Variants in RBFOX3 observed in about 807,000 individuals in gnomAD.
The protein encoded by RBFOX3 is RNA binding protein fox-1 homolog 3.
RBFOX3 carries 17 observed loss-of-function variants against 48.7 expected under a neutral mutation model. The ratio of observed to expected loss-of-function variants is 0.35; its 90% CI spans 0.24 to 0.52. The LOEUF is 0.52. Among genes scored for constraint, RBFOX3 ranks in the 20% least tolerant of loss-of-function variants. The pLI is 0.94. For synonymous variants in RBFOX3, 212 were observed against 209.5 expected (o/e 1.01, Z -0.10); for missense variants, 382 against 497.5 (o/e 0.77, Z 2.21).
intron 2 of RBFOX3, among the ~76,000 whole-genome samples, chr17:79,446,511 G>A (rs2072326509): frequency 6.6e-6 from 1 of 152,188 alleles, no homozygotes; most frequent in Non-Finnish European, 1.5e-5. Flanking sequence ...CAAACGGGAT[G>A]GAAGCAGCTC....
chr17:79,569,946 T>C (rs1363429206), intron 1 of RBFOX3, among the ~76,000 whole-genome samples: 1 of 151,284 alleles, frequency 6.6e-6, no homozygotes, highest in Non-Finnish European at 1.5e-5. Flanking sequence ...GGATAATAGA[T>C]GGATGGTAGA....
At chr17:79,503,059 G>A (rs1246685674) in intron 1 of RBFOX3, among the ~76,000 whole-genome samples, 3 of 152,172 alleles carry the variant, frequency 2.0e-5, no homozygotes, top group East Asian at 1.9e-4. Context: ...GGGCTTTTCC[G>A]TGCTTACAGA....
intron 1 of RBFOX3, among the ~76,000 whole-genome samples, chr17:79,540,454 C>A (rs1356425228): frequency 6.6e-6 from 1 of 152,240 alleles, no homozygotes; most frequent in African/African-American, 2.4e-5. Flanking sequence ...GGCGTCCAGG[C>A]CCCAGCCCCA....
Position 79,390,534 on chromosome 17 carries a change from G to C in RBFOX3, c.-174-82710C>G, listed in dbSNP as rs2148179522. 6.6e-6 allele frequency among the ~76,000 whole-genome samples: 1 copy of C among 150,920 alleles called. No individual in the cohort carries two copies. Among genetic ancestry groups the C allele is most frequent in the South Asian group, 2.1e-4 (1 of 4,792 alleles). On this transcript the variant is annotated intron_variant, in intron 2 of 14. Coordinates refer to ENST00000693108, the MANE Select transcript of RBFOX3 (RefSeq NM_001350451.2). This position sits in a 1 kb window ranked among gnomAD's most constrained non-coding sequence, Gnocchi z 4.2. ...CTCTTGTCGCCCAGGCTGGAGTGCA[G>C]TGGCACAATCTCGGCTCACTACAAC...
chr17:79,122,605 C>T (rs537834759), intron 4 of RBFOX3, among the ~76,000 whole-genome samples: 8 of 152,196 alleles, frequency 5.3e-5, no homozygotes, highest in Non-Finnish European at 7.4e-5. Context: ...ACACTGCTGG[C>T]GGGAATATAA....
At chr17:79,168,107 AAGGAGCCCAG>A (rs1414139593) in intron 4 of RBFOX3, among the ~76,000 whole-genome samples, 1 of 152,160 alleles carries the variant, frequency 6.6e-6, no homozygotes, top group East Asian at 1.9e-4. Flanking sequence ...CTCAGAGGCT[AAGGAGCCCAG>A]AGGGCTCTGA....
At chr17:79,592,676 G>A (rs1334475527) in intron 1 of RBFOX3, among the ~76,000 whole-genome samples, 11 of 151,988 alleles carry the variant, frequency 7.2e-5, no homozygotes, top group African/African-American at 1.2e-4. Flanking sequence ...CCAGGACTGC[G>A]GGCTCAGGAC....
rs1401230485 is a variant in RBFOX3, at chr17:79,477,535, G to C, written c.-175+4919C>G. On this transcript the variant is annotated intron_variant, in intron 2 of 14. Transcript: ENST00000693108. This position sits in a 1 kb window ranked among gnomAD's most constrained non-coding sequence, Gnocchi z 4.8. ...CGCCCCATCGCACTCCAGCCTGGGCGACAGAGCGAAACTCCGTCACCGGAA... is the reference window on the plus strand; with the variant it reads ...CGCCCCATCGCACTCCAGCCTGGGCCACAGAGCGAAACTCCGTCACCGGAA... 2.6e-5 allele frequency among the ~76,000 whole-genome samples: 4 copies of C among 151,226 alleles called. No homozygotes were observed. Among genetic ancestry groups the C allele is most frequent in the African/African-American group, 7.3e-5 (3 of 41,190 alleles).
chr17:79,537,326 T>G (rs1555788997), intron 1 of RBFOX3, among the ~76,000 whole-genome samples: 2 of 152,140 alleles, frequency 1.3e-5, no homozygotes, highest in Admixed American at 1.3e-4. Context: ...TGTGGCCCTC[T>G]CCCTGTGCAT....
chr17:79,200,110 C>G (rs187919441), intron 4 of RBFOX3, among the ~76,000 whole-genome samples: 9 of 140,740 alleles, frequency 6.4e-5, no homozygotes, highest in African/African-American at 2.3e-4. Context: ...TTGCAGTGAG[C>G]CGATATTGCG....
In RBFOX3 at chr17:79,110,400, C is replaced by A. The variant is rs548621197; in HGVS notation, c.223-3612G>T. ...GGGGCCCCCAAGCTTGGCACGGAGACAGACAAAGGGAATGAGCCCCAGGCA... is the reference window on the plus strand; with the variant it reads ...GGGGCCCCCAAGCTTGGCACGGAGAAAGACAAAGGGAATGAGCCCCAGGCA... On this transcript the variant is annotated intron_variant, in intron 5 of 14. Transcript: ENST00000693108. Among the ~76,000 whole-genome samples, 4 of 152,242 alleles carry A rather than the reference C, an allele frequency of 2.6e-5. No homozygotes were observed. The South Asian group carries it at 8.3e-4, about 32-fold the overall frequency.
At chr17:79,226,943 C>A (rs2060378206) in intron 4 of RBFOX3, among the ~76,000 whole-genome samples, 1 of 152,222 alleles carries the variant, frequency 6.6e-6, no homozygotes, top group Non-Finnish European at 1.5e-5. Flanking sequence ...ACCTGCCAGG[C>A]CTGGGGGAAC....
intron 4 of RBFOX3, chr17:79,183,237 G>GCCGGGGC: frequency 6.6e-6 from 1 of 151,314 alleles, no homozygotes; most frequent in South Asian, 1.8e-4. Context: ...CGGGCCGGGG[G>GCCGGGGC]CCGGGGCCGG....
intron 4 of RBFOX3, among the ~76,000 whole-genome samples, chr17:79,136,937 C>G (rs145584648): frequency 2.1e-3 from 314 of 152,252 alleles, no homozygotes; most frequent in Middle Eastern, 6.8e-3. Flanking sequence ...GAAGGAGGCT[C>G]CATCCCAGGG....
At chr17:79,548,742 T>G (rs2090822218) in intron 1 of RBFOX3, among the ~76,000 whole-genome samples, 1 of 152,208 alleles carries the variant, frequency 6.6e-6, no homozygotes, top group South Asian at 2.1e-4. Flanking sequence ...TGCGTGTCCT[T>G]GGGCATGCGT....
intron 2 of RBFOX3, among the ~76,000 whole-genome samples, chr17:79,462,168 A>G (rs570885572): frequency 1.3e-5 from 2 of 152,314 alleles, no homozygotes; most frequent in African/African-American, 4.8e-5. Context: ...CTATCCATCA[A>G]TGAGTACCAA....
At chr17:79,216,171 C>G (rs912895019) in intron 4 of RBFOX3, among the ~76,000 whole-genome samples, 4 of 152,236 alleles carry the variant, frequency 2.6e-5, no homozygotes, top group African/African-American at 9.6e-5. Context: ...ACTGCCACCT[C>G]TGTGGCCCCC....
chr17:79,358,364 C>A (rs1475960279), intron 2 of RBFOX3, among the ~76,000 whole-genome samples: 1 of 152,164 alleles, frequency 6.6e-6, no homozygotes, highest in African/African-American at 2.4e-5. Context: ...GTGGGGAGAC[C>A]CCACCATCGG....
intron 4 of RBFOX3, among the ~76,000 whole-genome samples, chr17:79,153,269 C>T (rs889760337): frequency 1.5e-4 from 23 of 152,222 alleles, no homozygotes; most frequent in African/African-American, 4.8e-4. Context: ...TTTCCCTGCA[C>T]CCTGTGCTGG....
Sources: allele counts gnomAD v4.1 joint callset (sites outside exome capture counted in the v4.1 genomes callset), GRCh38; gene constraint gnomAD v4.1.1; non-coding constraint Gnocchi (gnomAD v3.1); transcripts MANE v1.5; gene names NCBI Gene and HGNC (gene_info 2026-07-23, HGNC 2026-07-21).